FANK1: variants seen among roughly 807,000 people sequenced by gnomAD.
The protein encoded by FANK1 is fibronectin type 3 and ankyrin repeat domains protein 1.
FANK1 carries 44 observed loss-of-function variants against 45.3 expected under a neutral mutation model. That is an observed-to-expected ratio of 0.97 (90% CI 0.76 to 1.25). FANK1 has a LOEUF of 1.25. Ranked by LOEUF, FANK1 falls within the 50% of genes most tolerant of loss-of-function variation. The probability of loss-of-function intolerance (pLI) is 0.00; values close to 1 mark genes in which losing one functional copy is unlikely to be tolerated. For missense variants in FANK1, 391 were observed against 424.4 expected (o/e 0.92, Z 0.69); for synonymous variants, 149 against 152.5 (o/e 0.98, Z 0.17).
At chr10:125,958,875 C>G (rs961731975) in intron 1 of FANK1, among the ~76,000 whole-genome samples, 13 of 152,156 alleles carry the variant, frequency 8.5e-5, no homozygotes, top group Non-Finnish European at 1.8e-4. Flanking sequence ...GCTCATGGAT[C>G]AGAGGAATTA....
chr10:125,908,774 A>T (rs1360576608), intron 1 of FANK1, among the ~76,000 whole-genome samples: 8 of 152,138 alleles, frequency 5.3e-5, no homozygotes, highest in African/African-American at 1.7e-4. Context: ...TAAAAAAAGT[A>T]AAAAAACCAC....
intron 1 of FANK1, among the ~76,000 whole-genome samples, chr10:125,946,691 A>G (rs1420909482): frequency 6.7e-6 from 1 of 148,212 alleles, no homozygotes; most frequent in Non-Finnish European, 1.5e-5. Flanking sequence ...TCTGCAGGAT[A>G]TTATCCAGGA....
chr10:125,932,991 G>A (rs1363061077), intron 1 of FANK1, among the ~76,000 whole-genome samples: 1 of 152,044 alleles, frequency 6.6e-6, no homozygotes, highest in Non-Finnish European at 1.5e-5. Flanking sequence ...TGTTTGTGTG[G>A]TGTACCACAT....
chr10:125,970,937 A>G (rs1185612468), intron 1 of FANK1, among the ~76,000 whole-genome samples: 1 of 152,190 alleles, frequency 6.6e-6, no homozygotes, highest in Admixed American at 6.5e-5. Context: ...CTTGTTATAC[A>G]TCCAGCATGG....
intron 2 of FANK1, among the ~76,000 whole-genome samples, chr10:125,981,770 A>G (rs1157170215): frequency 1.3e-5 from 2 of 152,216 alleles, no homozygotes; most frequent in Non-Finnish European, 2.9e-5. Context: ...GCAGTGTCAC[A>G]GTCAGGATAT....
At chr10:125,968,212 C>A (rs983054298) in intron 1 of FANK1, among the ~76,000 whole-genome samples, 1 of 152,062 alleles carries the variant, frequency 6.6e-6, no homozygotes, top group Non-Finnish European at 1.5e-5. Context: ...CTCACCTTGG[C>A]CTCCAAAAGT....
At chr10:125,950,932 C>T (rs1448257066) in intron 1 of FANK1, among the ~76,000 whole-genome samples, 8 of 151,166 alleles carry the variant, frequency 5.3e-5, no homozygotes, top group African/African-American at 1.7e-4. Context: ...GATGAGTTCG[C>T]GTCCTTTGTA....
At chr10:125,995,334 C>T in intron 3 of FANK1, 83 bp from the exon 4 acceptor site, 4 of 1,294,716 alleles carry the variant, frequency 3.1e-6, no homozygotes, top group Non-Finnish European at 4.5e-6. Flanking sequence ...AGATGATCCC[C>T]TGAAGGCCAC....
At chr10:125,973,206 T>C (rs192993255) in intron 1 of FANK1, 1 of 153,566 alleles carries the variant, frequency 6.5e-6, no homozygotes, top group African/African-American at 2.4e-5. Context: ...CTCATATAAC[T>C]TCATGGTGAA....
chr10:125,943,131 T>G (rs1948562000), intron 1 of FANK1, among the ~76,000 whole-genome samples: 1 of 152,196 alleles, frequency 6.6e-6, no homozygotes, highest in Admixed American at 6.5e-5. Context: ...CTGCTTGATG[T>G]CAGAATAATT....
At position 126,008,566 on chromosome 10, in the gene FANK1, G is replaced by A. The variant is rs201114909; in HGVS notation, c.849+16G>A. 2.5e-5 allele frequency: 39 copies of A among 1,590,672 alleles called. No homozygotes were observed. The highest frequency in any genetic ancestry group is 3.1e-5 in the Non-Finnish European group (36 of 1,171,902). ...GCCCCTTATGGTAGGTCCTCCTCCC[G>A]AAAATAGGCAGTTTTCTACGTGGAA... On this transcript the variant is annotated intron_variant, in intron 8 of 10. Transcript: ENST00000368693.
chr10:125,979,859 C>G (rs1196900695), intron 1 of FANK1: 1 of 510,378 alleles, frequency 2.0e-6, no homozygotes, highest in Non-Finnish European at 3.8e-6. Flanking sequence ...TCCAGCAGGT[C>G]AAATACAACC....
chr10:125,978,964 G>A (rs185040081), intron 1 of FANK1, among the ~76,000 whole-genome samples: 24 of 152,324 alleles, frequency 1.6e-4, no homozygotes, highest in Middle Eastern at 3.4e-3. Context: ...GTCTCCACGC[G>A]TGCCTGAGCG....
chr10:125,989,185 A>C, intron 3 of FANK1: 1 of 1,072,166 alleles, frequency 9.3e-7, no homozygotes, highest in South Asian at 1.4e-5. Flanking sequence ...GGAGAGCCCC[A>C]CATGGAGACC....
chr10:125,989,526 C>CA, intron 3 of FANK1: 1 of 765,486 alleles, frequency 1.3e-6, no homozygotes, highest in Non-Finnish European at 2.3e-6. Context: ...AAAGTTAACT[C>CA]AGCTTTTGAG....
intron 1 of FANK1, among the ~76,000 whole-genome samples, chr10:125,931,789 A>T (rs7088774): frequency 6.6e-6 from 1 of 152,022 alleles, no homozygotes; most frequent in South Asian, 2.1e-4. Context: ...TGCTAAGCCA[A>T]TGTCTAGAAG....
At chr10:125,961,837 A>G (rs1949947386) in intron 1 of FANK1, among the ~76,000 whole-genome samples, 1 of 152,178 alleles carries the variant, frequency 6.6e-6, no homozygotes, top group African/African-American at 2.4e-5. Flanking sequence ...CCAGCTACTC[A>G]GGGAGCTCAG....
At chr10:125,913,446 C>T (rs1042432978) in intron 1 of FANK1, among the ~76,000 whole-genome samples, 1 of 152,168 alleles carries the variant, frequency 6.6e-6, no homozygotes, top group African/African-American at 2.4e-5. Flanking sequence ...TCCTGGCGCT[C>T]AGCTTCATTC....
chr10:125,975,134 A>T (rs574247058), intron 1 of FANK1, among the ~76,000 whole-genome samples: 2 of 152,334 alleles, frequency 1.3e-5, no homozygotes, highest in African/African-American at 4.8e-5. Flanking sequence ...GCTAAAGATG[A>T]TAGCCTCCAG....
Sources: gnomAD v4.1 joint callset for allele counts (sites outside exome capture counted in the v4.1 genomes callset) on GRCh38, gnomAD v4.1.1 for gene constraint, MANE v1.5 for transcripts, NCBI Gene and HGNC (gene_info 2026-07-23, HGNC 2026-07-21) for gene names.